UNC13D: variants seen among roughly 807,000 people sequenced by gnomAD.
UNC13D encodes the protein protein unc-13 homolog D.
In UNC13D, 115 loss-of-function variants were observed where a neutral mutation model predicts 151.7. That is an observed-to-expected ratio of 0.76 (90% confidence interval 0.65 to 0.88). The LOEUF is 0.88. Among genes scored for constraint, UNC13D ranks in the 40% least tolerant of loss-of-function variants. The probability of loss-of-function intolerance (pLI) is 0.00; values close to 1 mark genes in which losing one functional copy is unlikely to be tolerated. For synonymous variants in UNC13D, 588 were observed against 612.2 expected (o/e 0.96, Z 0.58); for missense variants, 1,369 against 1,438.7 (o/e 0.95, Z 0.78).
chr17:75,831,204 T>A, intron 26 of UNC13D, 35 bp from the exon 27 acceptor site: 1 of 1,614,056 alleles, frequency 6.2e-7, no homozygotes, highest in Non-Finnish European at 8.5e-7. Context: ...CCAGGCACCC[T>A]CCCACCAGGG....
chr17:75,840,197 A>C lies in UNC13D; in HGVS notation c.858+28T>G. On this transcript the variant is annotated intron_variant, in intron 10 of 31. Coordinates refer to ENST00000207549, the MANE Select transcript of UNC13D (RefSeq NM_199242.3). The surrounding 1 kb of genome is among the most constrained non-coding windows in gnomAD (Gnocchi z 4.6). Reference sequence around the variant, plus strand: ...CAGCAGACCGCCGCAAGAGCTGGGCATGGCCACTGGCCCAGTACCCGACCT... The same window carrying C: ...CAGCAGACCGCCGCAAGAGCTGGGCCTGGCCACTGGCCCAGTACCCGACCT... 2 of 1,613,074 alleles carry C rather than the reference A, an allele frequency of 1.2e-6. No homozygotes were observed.
Position 75,830,110 on chromosome 17 carries a change from G to A in UNC13D, c.2872C>T (p.His958Tyr). The A allele has an allele frequency of 6.3e-7, 1 of 1,586,262 alleles. No individual in the cohort carries two copies. Among genetic ancestry groups the A allele is most frequent in the Non-Finnish European group, 8.6e-7 (1 of 1,166,496 alleles). The change falls in exon 30 of 32, where the codon CAT (histidine) becomes TAT (tyrosine). Residue 958 changes from histidine to tyrosine, a missense_variant. Physicochemically the swap from His to Tyr is moderately conservative, Grantham distance 83 (BLOSUM62 2). Transcript: ENST00000207549. ...CGGGCGGCCAGCTCAGGGAACTCAT[G>A]CCTGGGCTCCAAGGTCAGCTGGACA... The part of the protein sequence containing the change: ...PFVQLTLEPR[H>Y]EFPELAARET...
Position 75,835,634 on chromosome 17 carries a change from G to T in UNC13D, c.1727+13C>A. 1 of 1,613,132 alleles carries T rather than the reference G, an allele frequency of 6.2e-7. No homozygotes were observed. The highest frequency in any genetic ancestry group is 8.5e-7 in the Non-Finnish European group (1 of 1,179,980). The stretch of plus-strand genomic sequence containing the variant: ...GTGCCCCTGCAGCCGCCCACAATTG[G>T]CCTGCTGCCCACCTCTCTGAGGAGC... On this transcript the variant is annotated intron_variant, in intron 19 of 31. Coordinates refer to ENST00000207549, the MANE Select transcript of UNC13D (RefSeq NM_199242.3).
At position 75,830,141 on chromosome 17, in the gene UNC13D, G is replaced by C. The variant is rs1256102965; in HGVS notation, c.2841C>G (p.Asp947Glu). Residue 947 changes from aspartate (D) to glutamate (E), a missense_variant, in exon 30 of 32, where the codon GAC (aspartate) becomes GAG (glutamate). By Grantham distance (45) the Asp-to-Glu change is conservative (BLOSUM62 2). Coordinates refer to ENST00000207549, the MANE Select transcript of UNC13D (RefSeq NM_199242.3). ...GCTCCAAGGTCAGCTGGACAAAGGG[G>C]TCGCTGGAGCCTGGTAAGTGGCCGG... The part of the protein sequence containing the change: ...LLPLDSNGSS[D>E]PFVQLTLEPR... 2 of 1,590,052 alleles carry C rather than the reference G, an allele frequency of 1.3e-6. No individual in the cohort carries two copies. The highest frequency in any genetic ancestry group is 1.8e-5 in the Admixed American group (1 of 56,680).
In UNC13D at chr17:75,827,292, T is replaced by C. The variant is rs1035123265; in HGVS notation, c.*673A>G. 4.5e-5 allele frequency: 24 copies of C among 531,406 alleles called. No homozygotes were observed. Among genetic ancestry groups the C allele is most frequent in the Non-Finnish European group, 3.9e-5 (13 of 335,930 alleles). The allele number at this position is 531,406 out of a possible 1,614,324, so 32.9% of individuals were successfully genotyped here. On this transcript the variant is annotated 3_prime_UTR_variant, in exon 32 of 32. Coordinates refer to ENST00000207549, the MANE Select transcript of UNC13D (RefSeq NM_199242.3). ...AAGAAAGTTTCTAGGTGGCAGGTGCTGTCCGGGGAGGGGGCGTGCGCAGCA... is the reference window on the plus strand; with the variant it reads ...AAGAAAGTTTCTAGGTGGCAGGTGCCGTCCGGGGAGGGGGCGTGCGCAGCA...
chr17:75,841,905 C>T (rs975177319), intron 6 of UNC13D, among the ~76,000 whole-genome samples: 3 of 152,136 alleles, frequency 2.0e-5, no homozygotes, highest in Admixed American at 1.3e-4. Context: ...CCTGCCACCA[C>T]GCCCGGCTAA....
intron 20 of UNC13D, 109 bp downstream of exon 20, chr17:75,835,300 G>C: frequency 6.9e-7 from 1 of 1,446,826 alleles, no homozygotes; most frequent in Non-Finnish European, 9.4e-7. Context: ...CACCCAAAAG[G>C]GATGTTCAGA....
chr17:75,830,588 A>C lies in UNC13D; in HGVS notation c.2699T>G (p.Ile900Ser). ...AGGGAGGGGCCTCACCTGCTGCTGG[A>C]TTCGGCTGCAGAAGTACTTCCGGAT... ...ELIRKYFCSR[I>S]QQQAETTSEE... Residue 900 changes from isoleucine (I) to serine (S), a missense_variant, in exon 28 of 32, where the codon ATC (isoleucine) becomes AGC (serine). Transcript: ENST00000207549. 1 of 1,561,220 alleles carries C rather than the reference A, an allele frequency of 6.4e-7. No homozygotes were observed. The highest frequency in any genetic ancestry group is 8.7e-7 in the Non-Finnish European group (1 of 1,152,716).
chr17:75,836,429 C>A lies in UNC13D; in HGVS notation c.1299G>T (p.Arg433Ser), dbSNP rs372314255. The change falls in exon 15 of 32, where the codon AGG becomes AGT. Residue 433 changes from arginine (R) to serine (S), a missense_variant and splice_region_variant. By Grantham distance (110) the Arg-to-Ser change is moderately radical. This residue lies in a region of UNC13D where 550 missense variants were observed against 609.0 expected (regional missense o/e 0.90). Coordinates refer to ENST00000207549, the MANE Select transcript of UNC13D (RefSeq NM_199242.3). ...DSPARLQSLL[R>S]VLVQMCKMKA... ...TCATCTTGCACATCTGTACCAGGAC[C>A]CTGCAAGATGGAAAGAGCTGTGTCG... 1 of 1,612,796 alleles carries A rather than the reference C, an allele frequency of 6.2e-7. No homozygotes were observed. The highest frequency in any genetic ancestry group is 8.5e-7 in the Non-Finnish European group (1 of 1,179,988).
Position 75,828,968 on chromosome 17 carries a change from C to G in UNC13D, c.2970G>C (p.Glu990Asp). ...DETFEFLVPA[E>D]PCRKAGACLL... ...GGCATGCCCCAGCCTTGCGGCACGGCTCAGCAGGCACCAGGCTGCGGGGAG... is the reference window on the plus strand; with the variant it reads ...GGCATGCCCCAGCCTTGCGGCACGGGTCAGCAGGCACCAGGCTGCGGGGAG... The change falls in exon 31 of 32, where the codon GAG becomes GAC. Residue 990 changes from glutamate to aspartate, a missense_variant. Coordinates refer to ENST00000207549, the MANE Select transcript of UNC13D (RefSeq NM_199242.3). 1 of 1,604,062 alleles carries G rather than the reference C, an allele frequency of 6.2e-7. No individual in the cohort carries two copies.
intron 25 of UNC13D, chr17:75,831,619 C>G (rs2064873317): frequency 1.9e-6 from 1 of 523,694 alleles, no homozygotes; most frequent in Non-Finnish European, 3.4e-6. Flanking sequence ...AATGCACAAA[C>G]AAGGCTGGAG....
chr17:75,831,401 G>A, intron 25 of UNC13D, 53 bp from the exon 26 acceptor site: 1 of 1,543,282 alleles, frequency 6.5e-7, no homozygotes, highest in Non-Finnish European at 8.8e-7. Flanking sequence ...GGTGGCGGAG[G>A]AGGAAGCAAA....
At chr17:75,841,442 CT>C (rs145752081) in intron 6 of UNC13D, among the ~76,000 whole-genome samples, 2,620 of 110,316 alleles carry the variant, frequency 0.024, 64 homozygotes, top group African/African-American at 0.077. Context: ...CGCGCCCAGC[CT>C]TTTTTTTTTT....
At position 75,833,985 on chromosome 17, in the gene UNC13D, G is replaced by C; in HGVS notation, c.2367+90C>G. 6.6e-7 allele frequency: 1 copy of C among 1,517,230 alleles called. No homozygotes were observed. The allele number at this position is 1,517,230 out of a possible 1,614,324, so 94.0% of individuals were successfully genotyped here. On this transcript the variant is annotated intron_variant, in intron 24 of 31. Transcript: ENST00000207549. This position sits in a 1 kb window ranked among gnomAD's most constrained non-coding sequence, Gnocchi z 4.0. ...GAGAACATGCTTTGCCTGGTCTGGG[G>C]GACTTATCTTTGACACCAAGGCCTT...
chr17:75,837,897 G>T (rs1269012085), intron 12 of UNC13D, among the ~76,000 whole-genome samples: 2 of 152,176 alleles, frequency 1.3e-5, no homozygotes, highest in African/African-American at 2.4e-5. Flanking sequence ...GGCAGAGGAT[G>T]GGGGAGAGGA....
chr17:75,844,158 A>C, intron 1 of UNC13D, 63 bp downstream of exon 1: 3 of 1,585,638 alleles, frequency 1.9e-6, no homozygotes, highest in Non-Finnish European at 2.6e-6. Context: ...ACAGCAGGGC[A>C]CCCGTACCCG....
chr17:75,841,176 T>C (rs1482281784), intron 6 of UNC13D, 175 bp from the exon 7 acceptor site: 3 of 645,854 alleles, frequency 4.6e-6, no homozygotes, highest in Non-Finnish European at 7.8e-6. Context: ...GGAGTCTAGT[T>C]CTGTCCCCCA....
chr17:75,839,786 G>C lies in UNC13D; in HGVS notation c.1055+53C>G, dbSNP rs897445538. ...TGGGCTACCGGCTTGGAGGAGGGCAGGGGGCGTGGGGGGCTGGTGGCTCAG... is the reference window on the plus strand; with the variant it reads ...TGGGCTACCGGCTTGGAGGAGGGCACGGGGCGTGGGGGGCTGGTGGCTCAG... On this transcript the variant is annotated intron_variant, in intron 12 of 31. Transcript: ENST00000207549. The C allele has an allele frequency of 8.2e-6, 13 of 1,578,754 alleles. No individual in the cohort carries two copies. In the Admixed American group the frequency reaches 1.0e-4, roughly 12 times the overall value.
Position 75,840,681 on chromosome 17 carries a change from C to G in UNC13D, c.683+81G>C. On this transcript the variant is annotated intron_variant, in intron 8 of 31. Coordinates refer to ENST00000207549, the MANE Select transcript of UNC13D (RefSeq NM_199242.3). This position sits in a 1 kb window ranked among gnomAD's most constrained non-coding sequence, Gnocchi z 4.6. ...CACCTGGACCCCAAAGGAGCCTGCA[C>G]CCCAGCATCCAGTGTGCATGTTGGG... 6.2e-7 allele frequency: 1 copy of G among 1,610,962 alleles called. No homozygotes were observed.
Sources: gnomAD v4.1 joint callset for allele counts (sites outside exome capture counted in the v4.1 genomes callset) on GRCh38, gnomAD v4.1.1 for gene constraint, gnomAD v4.1.1 regional missense constraint, Gnocchi (gnomAD v3.1) non-coding constraint, MANE v1.5 for transcripts, NCBI Gene and HGNC (gene_info 2026-07-23, HGNC 2026-07-21) for gene names.